C12orf76: variants seen among roughly 807,000 people sequenced by gnomAD.
C12orf76 encodes the protein uncharacterized protein C12orf76.
Under a neutral mutation model 6.8 loss-of-function variants are expected in C12orf76, and 6 were observed. The ratio of observed to expected loss-of-function variants is 0.88; its 90% CI spans 0.48 to 1.73. C12orf76 has a LOEUF of 1.73. C12orf76 is among the 40% of genes most tolerant of loss of function. The pLI is 0.01. For synonymous variants in C12orf76, 56 were observed against 43.7 expected, an observed-to-expected ratio of 1.28 and a Z score of -1.11; for missense variants, 99 against 98.2, an observed-to-expected ratio of 1.01 and a Z score of -0.03.
At chr12:110,067,402 A>C in intron 1 of C12orf76, 1 of 985,384 alleles carries the variant, frequency 1.0e-6, no homozygotes, top group Non-Finnish European at 1.2e-6. Context: ...CAGACAAGCC[A>C]GGACTAGAGA....
At chr12:110,068,872 C>T (rs959127990), upstream of C12orf76, among the ~76,000 whole-genome samples, 6 of 152,222 alleles carry the variant, frequency 3.9e-5, no homozygotes, top group African/African-American at 1.4e-4. Flanking sequence ...CAAACTACTT[C>T]CGCCAATCCC....
chr12:110,057,708 G>T (rs780732831), intron 3 of C12orf76, among the ~76,000 whole-genome samples: 1 of 151,972 alleles, frequency 6.6e-6, no homozygotes, highest in South Asian at 2.1e-4. Flanking sequence ...CCACTTTTGG[G>T]GGTTAGATTC....
upstream of C12orf76, among the ~76,000 whole-genome samples, chr12:110,051,951 G>T (rs1458033643): frequency 7.8e-6 from 1 of 127,520 alleles, no homozygotes; most frequent in Non-Finnish European, 1.6e-5. Flanking sequence ...TCACTCTGTC[G>T]CCCAGGCTGG....
intron 1 of C12orf76, chr12:110,042,674 G>GAAA: frequency 5.8e-6 from 3 of 515,792 alleles, no homozygotes; most frequent in Non-Finnish European, 7.1e-6. Context: ...GATATACCGT[G>GAAA]AAAAAAAAAA....
intron 4 of C12orf76, among the ~76,000 whole-genome samples, chr12:110,056,285 T>A (rs1349730238): frequency 2.0e-5 from 3 of 152,034 alleles, no homozygotes; most frequent in Non-Finnish European, 4.4e-5. Flanking sequence ...CCCTTCCAGG[T>A]GTTAGGTTTA....
At chr12:110,046,298 C>T (rs148310611) in intron 1 of C12orf76, among the ~76,000 whole-genome samples, 56 of 152,294 alleles carry the variant, frequency 3.7e-4, no homozygotes, top group Admixed American at 9.2e-4. Context: ...TGGTGGCACA[C>T]GCCTGTGGTC....
chr12:110,048,507 C>T lies in C12orf76; in HGVS notation c.-12G>A. The T allele has an allele frequency of 7.1e-7, 1 of 1,413,200 alleles. No homozygotes were observed. Among genetic ancestry groups the T allele is most frequent in the East Asian group, 2.9e-5 (1 of 34,188 alleles). 87.5% of individuals were successfully genotyped at this position (1,413,200 alleles called of 1,614,324 possible). On this transcript the variant is annotated 5_prime_UTR_variant, in exon 1 of 2. Coordinates refer to ENST00000615315, the MANE Select transcript of C12orf76 (RefSeq NM_001389625.1). ...GCTGGACGCAGCATCTTCCCCAGCC[C>T]TGCAGAAGCAGAGAGGCCACTTCCG... is the stretch of plus-strand genomic sequence containing the variant.
upstream of C12orf76, among the ~76,000 whole-genome samples, chr12:110,070,245 A>AAAAAAG (rs540188999): frequency 4.0e-5 from 6 of 148,362 alleles, no homozygotes; most frequent in East Asian, 8.1e-4. Context: ...TTCAAAAAAA[A>AAAAAAG]AAAAAGAAAA....
chr12:110,068,167 G>A (rs1892897509), upstream of C12orf76, among the ~76,000 whole-genome samples: 1 of 151,436 alleles, frequency 6.6e-6, no homozygotes. Context: ...TCGCGCCATT[G>A]CACTCCAGCC....
chr12:110,047,601 T>C (rs1349939599), intron 1 of C12orf76, among the ~76,000 whole-genome samples: 3 of 151,610 alleles, frequency 2.0e-5, no homozygotes, highest in Non-Finnish European at 2.9e-5. Flanking sequence ...GCAGGATCAC[T>C]TAAACCCAGG....
intron 3 of C12orf76, among the ~76,000 whole-genome samples, chr12:110,057,476 C>G (rs1892689463): frequency 6.6e-6 from 1 of 152,134 alleles, no homozygotes; most frequent in South Asian, 2.1e-4. Context: ...GCAGCCTCTG[C>G]TTCTCTTTTT....
chr12:110,072,068 A>G (rs535978318), upstream of C12orf76, among the ~76,000 whole-genome samples: 1 of 152,344 alleles, frequency 6.6e-6, no homozygotes, highest in East Asian at 1.9e-4. Flanking sequence ...AATGTCCATC[A>G]ATGGATGAAT....
At chr12:110,066,040 G>C (rs1335096561) in intron 1 of C12orf76, 42 of 1,564,242 alleles carry the variant, frequency 2.7e-5, no homozygotes, top group Non-Finnish European at 3.5e-5. Flanking sequence ...TCACCTAGGT[G>C]TCAAGGGTGG....
At chr12:110,057,480 T>C (rs1892689548) in intron 3 of C12orf76, among the ~76,000 whole-genome samples, 1 of 152,272 alleles carries the variant, frequency 6.6e-6, no homozygotes, top group Middle Eastern at 3.4e-3. Context: ...CCTCTGCTTC[T>C]CTTTTTTAAA....
intron 1 of C12orf76, among the ~76,000 whole-genome samples, chr12:110,047,128 C>G (rs1019250288): frequency 1.4e-4 from 21 of 151,992 alleles, no homozygotes; most frequent in Admixed American, 9.2e-4. Flanking sequence ...ACAGATGTAC[C>G]AAGGAGATAC....
chr12:110,072,181 C>A (rs74562535), upstream of C12orf76, among the ~76,000 whole-genome samples: 3,944 of 151,928 alleles, frequency 0.026, 123 homozygotes, highest in African/African-American at 0.067. Context: ...AATCCTAATA[C>A]TTCAGGAGGC....
At chr12:110,052,334 A>G (rs571993824), upstream of C12orf76, among the ~76,000 whole-genome samples, 1 of 151,788 alleles carries the variant, frequency 6.6e-6, no homozygotes, top group Non-Finnish European at 1.5e-5. Context: ...AGCTGGAACT[A>G]CAGGTGTGTA....
chr12:110,068,745 A>T (rs1334081723), upstream of C12orf76, among the ~76,000 whole-genome samples: 1 of 152,126 alleles, frequency 6.6e-6, no homozygotes, highest in Non-Finnish European at 1.5e-5. Flanking sequence ...CTGGCTCTTT[A>T]TCCTTCCAGC....
intron 2 of C12orf76, among the ~76,000 whole-genome samples, chr12:110,064,463 C>T (rs1255419740): frequency 1.3e-5 from 2 of 152,210 alleles, no homozygotes; most frequent in Non-Finnish European, 2.9e-5. Flanking sequence ...TAGGCCAATA[C>T]ATGTCACATG....
Sources: allele counts gnomAD v4.1 joint callset (sites outside exome capture counted in the v4.1 genomes callset), GRCh38; gene constraint gnomAD v4.1.1; transcripts MANE v1.5; gene names NCBI Gene and HGNC (gene_info 2026-07-23, HGNC 2026-07-21).